The following SNX13 variants were observed in gnomAD, a reference collection of about 807,000 sequenced individuals.
SNX13 encodes the protein sorting nexin-13.
A neutral mutation model predicts 133.6 loss-of-function variants in SNX13; 45 were observed. The observed-to-expected ratio is 0.34, with a 90% CI of 0.27 to 0.43. The LOEUF (loss-of-function observed/expected upper bound fraction) is 0.43. SNX13 is among the 20% of genes least tolerant of loss of function. The probability of loss-of-function intolerance (pLI) is 1.00; values close to 1 mark genes in which losing one functional copy is unlikely to be tolerated. For synonymous variants in SNX13, 414 were observed against 373.9 expected, an observed-to-expected ratio of 1.11 and a Z score of -1.24; for missense variants, 1,032 against 1,145.1, an observed-to-expected ratio of 0.90 and a Z score of 1.43.
chr7:17,806,852 G>C (rs1344737709), intron 20 of SNX13, among the ~76,000 whole-genome samples: 1 of 152,208 alleles, frequency 6.6e-6, no homozygotes, highest in Non-Finnish European at 1.5e-5. Flanking sequence ...GAAGTGGAAG[G>C]GGTCAGGGAA....
intron 1 of SNX13, among the ~76,000 whole-genome samples, chr7:17,928,947 A>G (rs1159685292): frequency 6.6e-6 from 1 of 152,156 alleles, no homozygotes; most frequent in African/African-American, 2.4e-5. Flanking sequence ...TATATAAACC[A>G]TTCTATTTGT....
chr7:17,890,408 T>A lies in SNX13; in HGVS notation c.395A>T (p.Glu132Val). ...TLSDDESFLLEIRQTLQNALI... is the reference protein window; with the variant it reads ...TLSDDESFLLVIRQTLQNALI... ...TGCGTTTTGAAGAGTCTGCCTAATT[T>A]CAAGAAGAAAAGATTCATCATCGCT... Residue 132 changes from glutamate (E) to valine (V), a missense_variant, in exon 5 of 26, where the codon GAA (glutamate) becomes GTA (valine). Coordinates refer to ENST00000428135, the MANE Select transcript of SNX13 (RefSeq NM_015132.5). 6.2e-7 allele frequency: 1 copy of A among 1,611,272 alleles called. No homozygotes were observed. The highest frequency in any genetic ancestry group is 1.7e-4 in the Middle Eastern group (1 of 6,052).
chr7:17,795,202 A>G (rs746861438), intron 25 of SNX13: 2 of 151,688 alleles, frequency 1.3e-5, no homozygotes, highest in Admixed American at 1.3e-4. Context: ...TTAATCATAA[A>G]TAACACCAAG....
intron 8 of SNX13, among the ~76,000 whole-genome samples, chr7:17,871,240 C>T (rs1218753881): frequency 3.3e-5 from 5 of 152,100 alleles, no homozygotes; most frequent in Non-Finnish European, 5.9e-5. Context: ...CTCCTGACCT[C>T]GTGATCCGCC....
chr7:17,840,046 A>T lies in SNX13; in HGVS notation c.1166-46T>A, dbSNP rs1164003690. The T allele has an allele frequency of 3.3e-6, 5 of 1,514,804 alleles. No individual in the cohort carries two copies. In the East Asian group the frequency reaches 9.5e-5, roughly 29 times the overall value. 93.8% of individuals were successfully genotyped at this position (1,514,804 alleles called of 1,614,324 possible). On this transcript the variant is annotated intron_variant, in intron 12 of 25. Coordinates refer to ENST00000428135, the MANE Select transcript of SNX13 (RefSeq NM_015132.5). ...ATAACATAAATATTAGTGTCACACA[A>T]TTTGGGGTCCATGTAGTTTTATGAC...
intron 1 of SNX13, among the ~76,000 whole-genome samples, chr7:17,915,858 T>A (rs1272261337): frequency 1.3e-5 from 2 of 152,190 alleles, no homozygotes; most frequent in Non-Finnish European, 2.9e-5. Flanking sequence ...TACACATTCT[T>A]CTCATCTGCA....
intron 4 of SNX13, 142 bp downstream of exon 4, chr7:17,891,404 A>G: frequency 3.9e-6 from 2 of 515,122 alleles, no homozygotes; most frequent in South Asian, 7.4e-5. Context: ...ATAAGGAAGC[A>G]TCTTCAAGTA....
At chr7:17,795,907 T>C (rs992256048) in intron 25 of SNX13, 1 of 151,742 alleles carries the variant, frequency 6.6e-6, no homozygotes, top group African/African-American at 2.4e-5. Flanking sequence ...ATTAAAATTG[T>C]GGCAAATTTT....
chr7:17,911,466 C>T (rs1303982774), intron 1 of SNX13, among the ~76,000 whole-genome samples: 1 of 151,892 alleles, frequency 6.6e-6, no homozygotes, highest in African/African-American at 2.4e-5. Context: ...TGGTGAAACC[C>T]CGCCTCTACC....
At chr7:17,924,068 T>C (rs1368704280) in intron 1 of SNX13, among the ~76,000 whole-genome samples, 1 of 152,188 alleles carries the variant, frequency 6.6e-6, no homozygotes, top group Non-Finnish European at 1.5e-5. Context: ...AAGCTAACTT[T>C]TTAATGCATT....
At position 17,839,980 on chromosome 7, in the gene SNX13, C is replaced by G; in HGVS notation, c.1186G>C (p.Gly396Arg). Residue 396 changes from glycine to arginine, a missense_variant, in exon 13 of 26, where the codon GGT (glycine) becomes CGT (arginine). Coordinates refer to ENST00000428135, the MANE Select transcript of SNX13 (RefSeq NM_015132.5). ...FFMDYMQQTG[G>R]QAHLFFWMTV... ...ATCCAAAAGAATAGATGTGCTTGACCTCCAGTTTGCTGCATGTAATCTAGC... is the reference window on the plus strand; with the variant it reads ...ATCCAAAAGAATAGATGTGCTTGACGTCCAGTTTGCTGCATGTAATCTAGC... The G allele has an allele frequency of 6.2e-7, 1 of 1,609,000 alleles. No homozygotes were observed. Among genetic ancestry groups the G allele is most frequent in the Non-Finnish European group, 8.5e-7 (1 of 1,177,252 alleles).
intron 5 of SNX13, chr7:17,880,691 T>C (rs1325256281): frequency 6.6e-6 from 1 of 152,248 alleles, no homozygotes; most frequent in African/African-American, 2.4e-5. Flanking sequence ...TGGAGAGCAC[T>C]GGCTAACCAA....
At chr7:17,867,691 A>G (rs140664496) in intron 9 of SNX13, among the ~76,000 whole-genome samples, 1 of 152,168 alleles carries the variant, frequency 6.6e-6, no homozygotes, top group Admixed American at 6.5e-5. Flanking sequence ...AGAACAATCA[A>G]GTAATTCTTT....
intron 1 of SNX13, among the ~76,000 whole-genome samples, chr7:17,934,033 A>C (rs1025126278): frequency 2.6e-5 from 4 of 152,212 alleles, no homozygotes; most frequent in Admixed American, 1.3e-4. Context: ...TATAGTGCTT[A>C]ACATACAGGT....
rs1453703804 is a variant in SNX13 at position 17,821,592 on chromosome 7, G to A, written c.1762C>T (p.Arg588Cys). 6.2e-6 allele frequency: 10 copies of A among 1,613,416 alleles called. No homozygotes were observed. Among genetic ancestry groups the A allele is most frequent in the Admixed American group, 3.3e-5 (2 of 59,948 alleles). Residue 588 changes from arginine (R) to cysteine (C), a missense_variant, in exon 18 of 26, where the codon CGC becomes TGC. Physicochemically the swap from Arg to Cys is radical, Grantham distance 180 (BLOSUM62 -3). Coordinates refer to ENST00000428135, the MANE Select transcript of SNX13 (RefSeq NM_015132.5). ...YALYAITVHRRNLNSEEMWKT... is the reference protein window; with the variant it reads ...YALYAITVHRCNLNSEEMWKT... Reference sequence around the variant, plus strand: ...CACATCTCCTCACTGTTTAGGTTGCGCCGGTGTACAGTGATGGCATATAAT... The same window carrying A: ...CACATCTCCTCACTGTTTAGGTTGCACCGGTGTACAGTGATGGCATATAAT...
Position 17,796,911 on chromosome 7 carries a change from C to T in SNX13, c.2542G>A (p.Ala848Thr). 1.2e-6 allele frequency: 2 copies of T among 1,610,898 alleles called. No homozygotes were observed. The change falls in exon 25 of 26, where the codon GCA becomes ACA. Residue 848 changes from alanine to threonine, a missense_variant. Transcript: ENST00000428135. ...TTATCTCTGCATGGAACAGCCTCTG[C>T]TAAAATGCCATTTGGCCAAAATGCA... is the stretch of plus-strand genomic sequence containing the variant. ...RDAFWPNGIL[A>T]EAVPCRDKSI...
intron 9 of SNX13, among the ~76,000 whole-genome samples, chr7:17,855,348 A>G (rs921879235): frequency 2.0e-5 from 3 of 152,204 alleles, no homozygotes; most frequent in African/African-American, 4.8e-5. Flanking sequence ...ACTGATAATG[A>G]TGGCTACACT....
intron 8 of SNX13, among the ~76,000 whole-genome samples, chr7:17,870,306 G>A (rs1434256777): frequency 5.3e-5 from 8 of 152,118 alleles, no homozygotes; most frequent in East Asian, 1.9e-4. Context: ...CAAAGTATCC[G>A]TACAAAGAAA....
chr7:17,813,844 C>T (rs1472393630), intron 20 of SNX13, among the ~76,000 whole-genome samples: 1 of 152,062 alleles, frequency 6.6e-6, no homozygotes, highest in Admixed American at 6.6e-5. Flanking sequence ...CCTCAGCTTC[C>T]CAAAGCGCTG....
Sources: gnomAD v4.1 joint callset for allele counts (sites outside exome capture counted in the v4.1 genomes callset) on GRCh38, gnomAD v4.1.1 for gene constraint, MANE v1.5 for transcripts, NCBI Gene and HGNC (gene_info 2026-07-23, HGNC 2026-07-21) for gene names.